The following SNIP1 variants were observed in gnomAD, a reference collection of about 807,000 sequenced individuals.
SNIP1 encodes Smad nuclear interacting protein 1.
A neutral mutation model predicts 37.4 loss-of-function variants in SNIP1; 23 were observed. That is an observed-to-expected ratio of 0.61 (90% CI 0.44 to 0.87). The LOEUF is 0.87. SNIP1 is among the 40% of genes least tolerant of loss of function. SNIP1 has a pLI of 0.00. For missense variants in SNIP1, 459 were observed against 540.4 expected, an observed-to-expected ratio of 0.85 and a Z score of 1.49; for synonymous variants, 174 against 200.0, an observed-to-expected ratio of 0.87 and a Z score of 1.10.
chr1:37,545,292 T>C, intron 2 of SNIP1: 1 of 613,578 alleles, frequency 1.6e-6, no homozygotes, highest in Non-Finnish European at 3.1e-6. Context: ...ACAGTGATAA[T>C]GAAAGCTAAG....
chr1:37,542,228 G>A (rs371264469), intron 2 of SNIP1, among the ~76,000 whole-genome samples: 2 of 152,260 alleles, frequency 1.3e-5, no homozygotes, highest in African/African-American at 2.4e-5. Flanking sequence ...GGCAGGTAGC[G>A]CATACAGCAC....
At chr1:37,550,541 T>C (rs1458689763) in intron 2 of SNIP1, among the ~76,000 whole-genome samples, 1 of 151,204 alleles carries the variant, frequency 6.6e-6, no homozygotes, top group Non-Finnish European at 1.5e-5. Context: ...ACCCCATCTC[T>C]ACTAAAAATA....
At chr1:37,547,149 G>A (rs561154461) in intron 2 of SNIP1, among the ~76,000 whole-genome samples, 1 of 152,194 alleles carries the variant, frequency 6.6e-6, no homozygotes, top group Non-Finnish European at 1.5e-5. Flanking sequence ...TAGAAAGAGG[G>A]TCACTGCAGA....
chr1:37,545,175 G>C (rs1467769258), intron 2 of SNIP1: 3 of 706,786 alleles, frequency 4.2e-6, no homozygotes, highest in Non-Finnish European at 7.9e-6. Context: ...TGAATGAGCA[G>C]GGGAAATCCA....
intron 2 of SNIP1, among the ~76,000 whole-genome samples, chr1:37,547,929 G>A (rs113268756): frequency 4.5e-4 from 69 of 151,884 alleles, no homozygotes; most frequent in African/African-American, 1.5e-3. Flanking sequence ...GGTGGATTAC[G>A]AGGTCAGGAG....
At chr1:37,542,148 T>G (rs1261280462) in intron 2 of SNIP1, among the ~76,000 whole-genome samples, 6 of 152,154 alleles carry the variant, frequency 3.9e-5, no homozygotes. Context: ...AAAATAAAGG[T>G]TACTTGAATC....
chr1:37,545,235 G>A (rs777550246), intron 2 of SNIP1: 72 of 662,600 alleles, frequency 1.1e-4, no homozygotes, highest in Non-Finnish European at 1.6e-4. Flanking sequence ...GAGGGCACCC[G>A]AATCTGGCTT....
intron 2 of SNIP1, among the ~76,000 whole-genome samples, chr1:37,551,978 A>C (rs1643306268): frequency 6.6e-6 from 1 of 152,222 alleles, no homozygotes. Context: ...CAAAAAATGG[A>C]AACAACCCAG....
At chr1:37,548,025 G>A (rs1470266840) in intron 2 of SNIP1, among the ~76,000 whole-genome samples, 5 of 151,116 alleles carry the variant, frequency 3.3e-5, no homozygotes, top group African/African-American at 7.3e-5. Flanking sequence ...GGTGGCGGGC[G>A]CCTGTAGTCC....
chr1:37,540,060 T>C lies in SNIP1; in HGVS notation c.926+97A>G. ...CTCTTTAGATAACATATGAGGGGTA[T>C]GGGATTCTTCTGCATAAACATGAAC... On this transcript the variant is annotated intron_variant, in intron 3 of 3. Coordinates refer to ENST00000296215, the MANE Select transcript of SNIP1 (RefSeq NM_024700.4). The surrounding 1 kb of genome is among the most constrained non-coding windows in gnomAD (Gnocchi z 5.6). 2.0e-6 allele frequency: 2 copies of C among 1,013,916 alleles called. No individual in the cohort carries two copies. The highest frequency in any genetic ancestry group is 4.8e-5 in the East Asian group (2 of 41,706). The allele number at this position is 1,013,916 out of a possible 1,614,324, so 62.8% of individuals were successfully genotyped here. A position where few individuals can be genotyped will look rare whatever the true frequency, so the allele number is the denominator to read the frequency against.
chr1:37,553,846 C>T (rs1643330105), intron 1 of SNIP1, among the ~76,000 whole-genome samples, 160 bp downstream of exon 1: 1 of 152,218 alleles, frequency 6.6e-6, no homozygotes, highest in Non-Finnish European at 1.5e-5. Context: ...AGTGACAGAG[C>T]AAGCATAACA....
intron 3 of SNIP1, 22 bp from the exon 4 acceptor site, chr1:37,538,034 C>T: frequency 6.4e-7 from 1 of 1,564,598 alleles, no homozygotes; most frequent in South Asian, 1.2e-5. Context: ...AAAGGAGAAA[C>T]CTGTGAGCAA....
chr1:37,547,105 C>G (rs6662367), intron 2 of SNIP1, among the ~76,000 whole-genome samples: 61,436 of 152,056 alleles, frequency 0.4, 13,369 homozygotes, highest in East Asian at 0.58. Flanking sequence ...CACCTATATG[C>G]AGGTGAGTCT....
intron 2 of SNIP1, among the ~76,000 whole-genome samples, chr1:37,551,295 A>G (rs908522184): frequency 1.3e-5 from 2 of 151,564 alleles, no homozygotes; most frequent in African/African-American, 4.8e-5. Context: ...AGGAAAACGC[A>G]AATTAAAATC....
At chr1:37,539,227 C>A (rs1228747447) in intron 3 of SNIP1, among the ~76,000 whole-genome samples, 1 of 152,114 alleles carries the variant, frequency 6.6e-6, no homozygotes. Flanking sequence ...ATCCCGAATT[C>A]CCCCGGTTCC....
At chr1:37,552,547 CAT>C in intron 2 of SNIP1, 96 bp downstream of exon 2, 7 of 1,001,154 alleles carry the variant, frequency 7.0e-6, no homozygotes, top group South Asian at 5.2e-5. Flanking sequence ...CGTACGTGCA[CAT>C]GTGTGCACAC....
intron 2 of SNIP1, among the ~76,000 whole-genome samples, chr1:37,543,544 G>A (rs1046787995): frequency 1.3e-5 from 2 of 152,060 alleles, no homozygotes; most frequent in South Asian, 2.1e-4. Flanking sequence ...ATTGTTAAAT[G>A]GGAGGGGAAA....
intron 2 of SNIP1, among the ~76,000 whole-genome samples, chr1:37,549,781 A>G (rs1166918152): frequency 6.6e-6 from 1 of 152,184 alleles, no homozygotes; most frequent in Non-Finnish European, 1.5e-5. Flanking sequence ...CTGAATAGCT[A>G]AAGCAATTTT....
intron 2 of SNIP1, among the ~76,000 whole-genome samples, chr1:37,546,157 C>A (rs1005125499): frequency 8.6e-5 from 12 of 139,640 alleles, no homozygotes; most frequent in East Asian, 2.3e-4. Flanking sequence ...CCCCCCCCCC[C>A]CCGCTCCCTG....
Sources: gnomAD v4.1 joint callset for allele counts (sites outside exome capture counted in the v4.1 genomes callset) on GRCh38, gnomAD v4.1.1 for gene constraint, Gnocchi (gnomAD v3.1) non-coding constraint, MANE v1.5 for transcripts, NCBI Gene and HGNC (gene_info 2026-07-23, HGNC 2026-07-21) for gene names.